The following SPATA16 variants were observed in gnomAD, a reference collection of about 807,000 sequenced individuals.
SPATA16 encodes spermatogenesis associated 16.
A neutral mutation model predicts 63.3 loss-of-function variants in SPATA16; 36 were observed. The ratio of observed to expected loss-of-function variants is 0.57; its 90% CI spans 0.44 to 0.75. The LOEUF is 0.75. Among genes scored for constraint, SPATA16 ranks in the 30% least tolerant of loss-of-function variants. The pLI, the probability that SPATA16 is intolerant of heterozygous loss-of-function variation, is 0.00. For missense variants in SPATA16, 646 were observed against 679.3 expected (o/e 0.95, Z 0.54); for synonymous variants, 203 against 216.7 (o/e 0.94, Z 0.56).
chr3:172,889,595 C>A lies in SPATA16; in HGVS notation c.1685G>T (p.Arg562Leu). 6.2e-7 allele frequency: 1 copy of A among 1,613,700 alleles called. No individual in the cohort carries two copies. The highest frequency in any genetic ancestry group is 8.5e-7 in the Non-Finnish European group (1 of 1,179,834). The change falls in exon 11 of 11, where the codon CGA becomes CTA. Residue 562 changes from arginine to leucine, a missense_variant. By Grantham distance (102) the Arg-to-Leu change is moderately radical. Coordinates refer to ENST00000351008, the MANE Select transcript of SPATA16 (RefSeq NM_031955.6). ...TARRQKTKMK[R>L]LQTVQQR ...CTACCTTTGCTGAACAGTTTGAAGT[C>A]GCTTCATTTTTGTTTTTTGCCTTCG...
intron 2 of SPATA16, among the ~76,000 whole-genome samples, chr3:173,056,428 C>T (rs541294644): frequency 6.6e-5 from 10 of 152,108 alleles, no homozygotes; most frequent in East Asian, 1.9e-4. Context: ...AAATGCCGGG[C>T]GCAGTGGCTC....
chr3:172,977,189 AAC>A, intron 4 of SPATA16, 137 bp from the exon 5 acceptor site: 1 of 740,466 alleles, frequency 1.4e-6, no homozygotes, highest in Non-Finnish European at 2.3e-6. Flanking sequence ...TATTAAGCAA[AAC>A]ACAAAGCACA....
intron 3 of SPATA16, among the ~76,000 whole-genome samples, chr3:173,027,677 T>C (rs1735481475): frequency 6.6e-6 from 1 of 151,872 alleles, no homozygotes; most frequent in Non-Finnish European, 1.5e-5. Context: ...TTCTGCTTCT[T>C]GTCTAGTGGT....
chr3:172,976,152 T>C (rs1052748843), intron 5 of SPATA16, among the ~76,000 whole-genome samples: 18 of 152,092 alleles, frequency 1.2e-4, no homozygotes, highest in African/African-American at 2.4e-5. Flanking sequence ...TTTATAACAA[T>C]TTCATTGGAA....
At chr3:173,045,030 T>C (rs548746135) in intron 3 of SPATA16, among the ~76,000 whole-genome samples, 2 of 152,214 alleles carry the variant, frequency 1.3e-5, no homozygotes, top group South Asian at 4.1e-4. Flanking sequence ...ACCTAAGTAT[T>C]TCCATTTAGC....
intron 4 of SPATA16, among the ~76,000 whole-genome samples, chr3:172,979,096 G>T (rs914502624): frequency 6.6e-6 from 1 of 152,268 alleles, no homozygotes; most frequent in African/African-American, 2.4e-5. Context: ...AATTAGCCAC[G>T]TGTGGCGGCG....
chr3:173,040,577 G>A (rs1475549371), intron 3 of SPATA16, among the ~76,000 whole-genome samples: 2 of 152,104 alleles, frequency 1.3e-5, no homozygotes, highest in East Asian at 3.9e-4. Context: ...TGAGTTCTAT[G>A]AGTTCAAAGA....
intron 2 of SPATA16, among the ~76,000 whole-genome samples, chr3:173,106,909 A>G (rs996437303): frequency 6.6e-6 from 1 of 152,124 alleles, no homozygotes; most frequent in African/African-American, 2.4e-5. Flanking sequence ...TAATAAGGAT[A>G]ATAAGAGTTT....
At chr3:173,109,863 T>A (rs1488629836) in intron 2 of SPATA16, among the ~76,000 whole-genome samples, 2 of 152,188 alleles carry the variant, frequency 1.3e-5, no homozygotes, top group Non-Finnish European at 2.9e-5. Flanking sequence ...GCATCTAGCA[T>A]TATGCCAGGT....
chr3:172,893,046 G>A (rs556309306), intron 10 of SPATA16, among the ~76,000 whole-genome samples: 62 of 152,230 alleles, frequency 4.1e-4, no homozygotes, highest in African/African-American at 1.4e-3. Flanking sequence ...ATGACTGTTG[G>A]TCATAACCCA....
At chr3:173,131,604 A>G (rs1738387094) in intron 1 of SPATA16, among the ~76,000 whole-genome samples, 1 of 152,334 alleles carries the variant, frequency 6.6e-6, no homozygotes, top group East Asian at 1.9e-4. Flanking sequence ...CTGGGCATTC[A>G]TGGGGCAGGA....
chr3:173,102,037 A>G (rs1276417908), intron 2 of SPATA16, among the ~76,000 whole-genome samples: 1 of 152,200 alleles, frequency 6.6e-6, no homozygotes, highest in East Asian at 1.9e-4. Flanking sequence ...TCAGAGAGAC[A>G]TTAGACAAAA....
chr3:172,923,900 T>A (rs1012661409), intron 8 of SPATA16, among the ~76,000 whole-genome samples: 1 of 152,230 alleles, frequency 6.6e-6, no homozygotes, highest in African/African-American at 2.4e-5. Flanking sequence ...TAAAATTTTC[T>A]TATTGATTTG....
chr3:173,117,691 T>A lies in SPATA16; in HGVS notation c.41A>T (p.Asn14Ile), dbSNP rs750515981. 6.8e-6 allele frequency: 11 copies of A among 1,614,032 alleles called. No individual in the cohort carries two copies. Among genetic ancestry groups the A allele is most frequent in the Non-Finnish European group, 9.3e-6 (11 of 1,180,010 alleles). ...GSSRSLENAVNRIYHDQLVPK... is the reference protein window; with the variant it reads ...GSSRSLENAVIRIYHDQLVPK... ...AACAAGCTGATCATGATAGATCCTATTCACTGCATTCTCCAAACTCCTACT... is the reference window on the plus strand; with the variant it reads ...AACAAGCTGATCATGATAGATCCTAATCACTGCATTCTCCAAACTCCTACT... Residue 14 changes from asparagine to isoleucine, a missense_variant, in exon 2 of 11, where the codon AAT becomes ATT. Coordinates refer to ENST00000351008, the MANE Select transcript of SPATA16 (RefSeq NM_031955.6).
At chr3:173,023,142 TG>T (rs1472452700) in intron 3 of SPATA16, among the ~76,000 whole-genome samples, 31 of 143,720 alleles carry the variant, frequency 2.2e-4, no homozygotes, top group African/African-American at 6.9e-4. Context: ...TGTGTATGTG[TG>T]TGTGTGTGTG....
At chr3:172,913,205 C>A (rs1311358114) in intron 10 of SPATA16, among the ~76,000 whole-genome samples, 1 of 152,124 alleles carries the variant, frequency 6.6e-6, no homozygotes, top group African/African-American at 2.4e-5. Context: ...ATGGGATGTT[C>A]CTCTATTTCT....
chr3:172,900,319 C>A (rs907756120), intron 10 of SPATA16, among the ~76,000 whole-genome samples: 6 of 152,082 alleles, frequency 3.9e-5, no homozygotes, highest in African/African-American at 1.4e-4. Context: ...GCATCATTTC[C>A]CTCTTGCTGC....
intron 5 of SPATA16, among the ~76,000 whole-genome samples, chr3:172,966,078 A>T (rs2108243354): frequency 6.6e-6 from 1 of 152,346 alleles, no homozygotes; most frequent in African/African-American, 2.4e-5. Context: ...TGAGAAATGC[A>T]ATGGACTTGT....
At chr3:173,137,915 G>C (rs1270464149) in intron 1 of SPATA16, among the ~76,000 whole-genome samples, 1 of 149,902 alleles carries the variant, frequency 6.7e-6, no homozygotes, top group Admixed American at 6.7e-5. Flanking sequence ...AGATGTATTA[G>C]GTCTGGGAAT....
Sources: allele counts gnomAD v4.1 joint callset (sites outside exome capture counted in the v4.1 genomes callset), GRCh38; gene constraint gnomAD v4.1.1; transcripts MANE v1.5; gene names NCBI Gene and HGNC (gene_info 2026-07-23, HGNC 2026-07-21).